Variants in ATRN observed in about 807,000 individuals in gnomAD.
ATRN encodes attractin-2.
Under a neutral mutation model 178.7 loss-of-function variants are expected in ATRN, and 54 were observed. The observed-to-expected ratio is 0.30, with a 90% CI of 0.24 to 0.38. The LOEUF (loss-of-function observed/expected upper bound fraction) is 0.38, where lower values mean the gene tolerates loss of function less well. ATRN is among the 10% of genes least tolerant of loss of function. The pLI is 1.00. For synonymous variants in ATRN, 636 were observed against 663.0 expected, an observed-to-expected ratio of 0.96 and a Z score of 0.63; for missense variants, 1,443 against 1,815.1, an observed-to-expected ratio of 0.79 and a Z score of 3.73.
At chr20:3,530,846 G>T (rs1328047351) in intron 1 of ATRN, among the ~76,000 whole-genome samples, 1 of 152,068 alleles carries the variant, frequency 6.6e-6, no homozygotes, top group African/African-American at 2.4e-5. Context: ...AAAGTAGAAA[G>T]AAATAACTAT....
chr20:3,484,250 A>T (rs1312133274), intron 1 of ATRN, among the ~76,000 whole-genome samples: 2 of 126,422 alleles, frequency 1.6e-5, no homozygotes, highest in African/African-American at 2.9e-5. Context: ...CCTTGTCTTT[A>T]AAAAAAAAAA....
chr20:3,559,010 A>G (rs1019627879), intron 6 of ATRN, among the ~76,000 whole-genome samples: 10 of 152,220 alleles, frequency 6.6e-5, no homozygotes, highest in African/African-American at 9.6e-5. Flanking sequence ...CTTAATTATC[A>G]TCCCTTTTTT....
At chr20:3,569,116 A>G (rs1300493966) in intron 11 of ATRN, among the ~76,000 whole-genome samples, 2 of 152,218 alleles carry the variant, frequency 1.3e-5, no homozygotes, top group Non-Finnish European at 2.9e-5. Flanking sequence ...TGATTTTGGA[A>G]TTAGAAATAG....
At chr20:3,570,623 A>C (rs6051956) in intron 11 of ATRN, among the ~76,000 whole-genome samples, 9 of 152,196 alleles carry the variant, frequency 5.9e-5, no homozygotes, top group African/African-American at 2.2e-4. Context: ...AATTTCAAAC[A>C]TTTTCCATCT....
In ATRN at chr20:3,638,478, C is replaced by T. The variant is rs73608186; in HGVS notation, c.3943-350C>T. On this transcript the variant is annotated intron_variant, in intron 26 of 28. Transcript: ENST00000262919. This position sits in a 1 kb window ranked among gnomAD's most constrained non-coding sequence, Gnocchi z 4.5. ...GATATGAACTCATTTATTTTATGGC[C>T]GCATAGTATTCCATGGTGTATATGT... Among the ~76,000 whole-genome samples, 244 of 152,228 alleles carry T rather than the reference C, an allele frequency of 1.6e-3. 2 individuals carry two copies. The East Asian group carries it at 0.042, about 26-fold the overall frequency.
At chr20:3,611,977 A>G (rs1174830203) in intron 24 of ATRN, among the ~76,000 whole-genome samples, 3 of 152,218 alleles carry the variant, frequency 2.0e-5, no homozygotes, top group African/African-American at 7.2e-5. Flanking sequence ...TAACCCAGCA[A>G]TTGCATTCCT....
At chr20:3,605,391 C>T (rs1251749631) in intron 24 of ATRN, among the ~76,000 whole-genome samples, 2 of 152,172 alleles carry the variant, frequency 1.3e-5, no homozygotes, top group African/African-American at 4.8e-5. Context: ...TTGACCCAGC[C>T]ATCCCATTAC....
At chr20:3,548,610 A>C (rs965493433) in intron 5 of ATRN, among the ~76,000 whole-genome samples, 3 of 152,010 alleles carry the variant, frequency 2.0e-5, no homozygotes, top group Non-Finnish European at 2.9e-5. Context: ...CAAAAAAAAA[A>C]AAAAAAAAAA....
chr20:3,536,515 A>G (rs1200130772), intron 2 of ATRN, among the ~76,000 whole-genome samples: 1 of 152,180 alleles, frequency 6.6e-6, no homozygotes, highest in African/African-American at 2.4e-5. Context: ...CCGGCCCCAA[A>G]TAAGTTTATG....
At chr20:3,521,948 A>ATTT (rs561224932) in intron 1 of ATRN, among the ~76,000 whole-genome samples, 2 of 145,570 alleles carry the variant, frequency 1.4e-5, no homozygotes, top group African/African-American at 2.5e-5. Context: ...CATTCAGCTA[A>ATTT]TTTTTTTTTT....
chr20:3,630,220 C>G (rs1222072392), intron 25 of ATRN, among the ~76,000 whole-genome samples: 2 of 152,198 alleles, frequency 1.3e-5, no homozygotes, highest in African/African-American at 4.8e-5. Context: ...CCTTGTTCCT[C>G]ACTCCTGTAG....
At chr20:3,585,954 A>G (rs2086351518) in intron 18 of ATRN, among the ~76,000 whole-genome samples, 2 of 152,202 alleles carry the variant, frequency 1.3e-5, no homozygotes, top group African/African-American at 4.8e-5. Flanking sequence ...AAGTATTGGA[A>G]GGATATGTAG....
chr20:3,499,598 T>G (rs1340932527), intron 1 of ATRN, among the ~76,000 whole-genome samples: 2 of 150,086 alleles, frequency 1.3e-5, no homozygotes, highest in Non-Finnish European at 3.0e-5. Context: ...ATTCCCTATT[T>G]AATAAATGGT....
At chr20:3,521,597 A>G (rs901370398) in intron 1 of ATRN, among the ~76,000 whole-genome samples, 6 of 152,194 alleles carry the variant, frequency 3.9e-5, no homozygotes, top group African/African-American at 1.4e-4. Flanking sequence ...AGTATACAGA[A>G]AAATAAGAAG....
chr20:3,547,427 C>G lies in ATRN; in HGVS notation c.881C>G (p.Pro294Arg), dbSNP rs771612123. The part of the protein sequence containing the change: ...IPHCTDNCGF[P>R]HRGICNSSDV... The stretch of plus-strand genomic sequence containing the variant: ...CACTGTACAGACAACTGTGGTTTTC[C>G]TCATCGAGGCATCTGCAATTCAAGT... Residue 294 changes from proline to arginine, a missense_variant, in exon 5 of 29, where the codon CCT becomes CGT. Coordinates refer to ENST00000262919, the MANE Select transcript of ATRN (RefSeq NM_139321.3). The G allele has an allele frequency of 3.1e-6, 5 of 1,614,130 alleles. No homozygotes were observed. In the East Asian group the frequency reaches 1.1e-4, roughly 36 times the overall value.
chr20:3,576,669 TTATC>T (rs199620341), intron 13 of ATRN, among the ~76,000 whole-genome samples, 186 bp from the exon 14 acceptor site: 2 of 108,192 alleles, frequency 1.8e-5, no homozygotes, highest in African/African-American at 6.7e-5. Flanking sequence ...CTACTGCAAC[TTATC>T]TATCTATCTG....
chr20:3,542,199 T>C (rs2085632140), intron 3 of ATRN, among the ~76,000 whole-genome samples: 3 of 152,228 alleles, frequency 2.0e-5, no homozygotes, highest in Non-Finnish European at 2.9e-5. Context: ...CCCCAGACCT[T>C]AATACAAGCC....
At chr20:3,624,635 G>A (rs1489688399) in intron 25 of ATRN, 63 bp downstream of exon 25, 18 of 1,245,284 alleles carry the variant, frequency 1.4e-5, no homozygotes, top group Non-Finnish European at 2.0e-5. Flanking sequence ...CATTAATAGA[G>A]TATCAGCTCC....
At chr20:3,512,107 A>ATATATATATATATTT in intron 1 of ATRN, among the ~76,000 whole-genome samples, 3 of 106,380 alleles carry the variant, frequency 2.8e-5, no homozygotes, top group Non-Finnish European at 5.4e-5. Flanking sequence ...ATATATATAT[A>ATATATATATATATTT]TTTTTTTTTT....
Sources: allele counts gnomAD v4.1 joint callset (sites outside exome capture counted in the v4.1 genomes callset), GRCh38; gene constraint gnomAD v4.1.1; non-coding constraint Gnocchi (gnomAD v3.1); transcripts MANE v1.5; gene names NCBI Gene and HGNC (gene_info 2026-07-23, HGNC 2026-07-21).